STK38L: variants seen among roughly 807,000 people sequenced by gnomAD.
The protein encoded by STK38L is serine/threonine-protein kinase 38-like.
A neutral mutation model predicts 59.7 loss-of-function variants in STK38L; 28 were observed. The ratio of observed to expected loss-of-function variants is 0.47; its 90% CI spans 0.35 to 0.64. The LOEUF (loss-of-function observed/expected upper bound fraction) is 0.64. Among genes scored for constraint, STK38L ranks in the 30% least tolerant of loss-of-function variants. The pLI, the probability that STK38L is intolerant of heterozygous loss-of-function variation, is 0.01. For synonymous variants in STK38L, 162 were observed against 176.8 expected (o/e 0.92, Z 0.66); for missense variants, 314 against 555.8 (o/e 0.56, Z 4.37).
chr12:27,300,789 G>T (rs1342302297), intron 2 of STK38L, among the ~76,000 whole-genome samples: 1 of 152,150 alleles, frequency 6.6e-6, no homozygotes, highest in African/African-American at 2.4e-5. Context: ...TCTCCAGTGG[G>T]GTGCTGATGT....
intron 1 of STK38L, among the ~76,000 whole-genome samples, chr12:27,263,222 A>G (rs184806961): frequency 6.6e-6 from 1 of 152,332 alleles, no homozygotes. Flanking sequence ...CACTACGACT[A>G]TGCATATGAA....
chr12:27,253,572 A>G (rs768507252), intron 1 of STK38L, among the ~76,000 whole-genome samples: 6 of 152,222 alleles, frequency 3.9e-5, no homozygotes, highest in Non-Finnish European at 5.9e-5. Flanking sequence ...CTGGAGAGCT[A>G]CATTCACAGG....
At chr12:27,254,179 G>A (rs989697579) in intron 1 of STK38L, among the ~76,000 whole-genome samples, 1 of 152,196 alleles carries the variant, frequency 6.6e-6, no homozygotes, top group Non-Finnish European at 1.5e-5. Context: ...ACTTGAGGGA[G>A]GGGATTGTGG....
At chr12:27,318,096 GTGGGGGAAGAGGGGATACCAC>G in intron 11 of STK38L, 77 bp downstream of exon 11, 1 of 1,564,628 alleles carries the variant, frequency 6.4e-7, no homozygotes, top group Non-Finnish European at 8.7e-7. Context: ...TTTCACTTTT[GTGGGGGAAGAGGGGATACCAC>G]TGATGTATAC....
intron 6 of STK38L, 113 bp downstream of exon 6, chr12:27,312,785 G>GCC: frequency 7.7e-7 from 1 of 1,292,932 alleles, no homozygotes; most frequent in Non-Finnish European, 1.1e-6. Context: ...GCTTTACATA[G>GCC]TCACAGTTTA....
rs866329499 is a variant in STK38L, at chr12:27,321,073, T to G, written c.1176-1070T>G. 7.9e-5 allele frequency among the ~76,000 whole-genome samples: 12 copies of G among 152,198 alleles called. No homozygotes were observed. In the South Asian group the frequency reaches 2.5e-3, roughly 31 times the overall value. On this transcript the variant is annotated intron_variant, in intron 12 of 13. Transcript: ENST00000389032. ...GGGATTTGGCTGCCTAAGGTCATACTGCTAGTTAATAACAAGGAAGGTTAG... is the reference window on the plus strand; with the variant it reads ...GGGATTTGGCTGCCTAAGGTCATACGGCTAGTTAATAACAAGGAAGGTTAG...
At chr12:27,252,628 C>T (rs1795086388) in intron 1 of STK38L, among the ~76,000 whole-genome samples, 1 of 152,300 alleles carries the variant, frequency 6.6e-6, no homozygotes, top group East Asian at 1.9e-4. Context: ...AACAGCGATC[C>T]ATTTCATTTG....
At chr12:27,263,268 C>A (rs532594287) in intron 1 of STK38L, among the ~76,000 whole-genome samples, 1 of 152,328 alleles carries the variant, frequency 6.6e-6, no homozygotes, top group African/African-American at 2.4e-5. Flanking sequence ...CCACCTCTTA[C>A]AGTGGCATGA....
At chr12:27,256,519 CTCTG>C (rs1222077077) in intron 1 of STK38L, among the ~76,000 whole-genome samples, 1 of 152,212 alleles carries the variant, frequency 6.6e-6, no homozygotes. Context: ...GACCTCTTAC[CTCTG>C]GCAGGGTTAG....
chr12:27,317,827 A>G (rs964456291), intron 10 of STK38L, 69 bp from the exon 11 acceptor site: 6 of 1,578,466 alleles, frequency 3.8e-6, no homozygotes, highest in African/African-American at 1.4e-5. Context: ...CTTGTCGCAC[A>G]TGTTTGGTGG....
chr12:27,303,560 G>A (rs1030586332), intron 3 of STK38L, among the ~76,000 whole-genome samples: 1 of 152,158 alleles, frequency 6.6e-6, no homozygotes, highest in South Asian at 2.1e-4. Context: ...TAAATATTTG[G>A]TGAATAAACA....
intron 1 of STK38L, among the ~76,000 whole-genome samples, chr12:27,261,687 C>G (rs1367462666): frequency 6.6e-6 from 1 of 152,166 alleles, no homozygotes; most frequent in African/African-American, 2.4e-5. Flanking sequence ...AGAAAAAGCT[C>G]AAGATCCATC....
chr12:27,319,311 C>G lies in STK38L; in HGVS notation c.1080-17C>G, dbSNP rs1244952304. On this transcript the variant is annotated splice_polypyrimidine_tract_variant and intron_variant, in intron 11 of 13. Coordinates refer to ENST00000389032, the MANE Select transcript of STK38L (RefSeq NM_015000.4). ...ATGTAACTTGTGTATGATAATTTCT[C>G]TGTTTCCATGTTGTAGATTTTGTAT... The G allele has an allele frequency of 6.5e-7, 1 of 1,537,676 alleles. No individual in the cohort carries two copies. Among genetic ancestry groups the G allele is most frequent in the Non-Finnish European group, 9.0e-7 (1 of 1,113,592 alleles).
At chr12:27,300,811 T>C (rs1944150673) in intron 2 of STK38L, among the ~76,000 whole-genome samples, 1 of 152,174 alleles carries the variant, frequency 6.6e-6, no homozygotes, top group African/African-American at 2.4e-5. Context: ...TCAACAGGCT[T>C]TAAATGTTAC....
At chr12:27,264,540 G>A (rs1452861052) in intron 1 of STK38L, among the ~76,000 whole-genome samples, 1 of 152,138 alleles carries the variant, frequency 6.6e-6, no homozygotes, top group Non-Finnish European at 1.5e-5. Flanking sequence ...CCATATTCAT[G>A]GGTTCTGCAT....
chr12:27,316,920 T>C (rs989983966), intron 9 of STK38L, among the ~76,000 whole-genome samples: 1 of 152,114 alleles, frequency 6.6e-6, no homozygotes, highest in Admixed American at 6.5e-5. Context: ...AAGAACACAT[T>C]AGTAGTGAGT....
In STK38L at chr12:27,319,316, T is replaced by A; in HGVS notation, c.1080-12T>A. 1 of 1,568,620 alleles carries A rather than the reference T, an allele frequency of 6.4e-7. No homozygotes were observed. The highest frequency in any genetic ancestry group is 8.8e-7 in the Non-Finnish European group (1 of 1,140,062). The stretch of plus-strand genomic sequence containing the variant: ...ACTTGTGTATGATAATTTCTCTGTT[T>A]CCATGTTGTAGATTTTGTATTGATT... On this transcript the variant is annotated splice_polypyrimidine_tract_variant and intron_variant, in intron 11 of 13. Transcript: ENST00000389032.
At chr12:27,297,664 G>A in intron 1 of STK38L, 46 bp from the exon 2 acceptor site, 1 of 1,561,916 alleles carries the variant, frequency 6.4e-7, no homozygotes. Context: ...TAAAAGATAG[G>A]GGTTTTTTTT....
intron 2 of STK38L, among the ~76,000 whole-genome samples, chr12:27,299,068 A>G (rs1944100603): frequency 6.6e-6 from 1 of 152,226 alleles, no homozygotes; most frequent in South Asian, 2.1e-4. Flanking sequence ...TGACAACAAC[A>G]ACAGAGAACT....
Sources: gnomAD v4.1 joint callset for allele counts (sites outside exome capture counted in the v4.1 genomes callset) on GRCh38, gnomAD v4.1.1 for gene constraint, MANE v1.5 for transcripts, NCBI Gene and HGNC (gene_info 2026-07-23, HGNC 2026-07-21) for gene names.